DLGAP4: variants seen among roughly 807,000 people sequenced by gnomAD.
DLGAP4 encodes the protein DLG associated protein 4.
In DLGAP4, 18 loss-of-function variants were observed where a neutral mutation model predicts 86.9. The ratio of observed to expected loss-of-function variants is 0.21; its 90% CI spans 0.14 to 0.31. The LOEUF (loss-of-function observed/expected upper bound fraction) is 0.31, where lower values mean the gene tolerates loss of function less well. DLGAP4 is among the 10% of genes least tolerant of loss of function. DLGAP4 has a pLI of 1.00. For missense variants in DLGAP4, 1,085 were observed against 1,362.6 expected, an observed-to-expected ratio of 0.80 and a Z score of 3.21; for synonymous variants, 548 against 574.3, an observed-to-expected ratio of 0.95 and a Z score of 0.65.
chr20:36,440,123 G>A (rs899177502), intron 5 of DLGAP4, among the ~76,000 whole-genome samples: 4 of 152,190 alleles, frequency 2.6e-5, no homozygotes, highest in Admixed American at 1.3e-4. Context: ...CCAGCGGGGC[G>A]CCTGTCACTT....
At chr20:36,461,751 G>GTCCGGGCCCCCCCCC in intron 7 of DLGAP4, 1 of 618,850 alleles carries the variant, frequency 1.6e-6, no homozygotes, top group African/African-American at 3.1e-5. Flanking sequence ...CCGTCCGTCC[G>GTCCGGGCCCCCCCCC]CCCGCCCGCC....
chr20:36,451,327 G>A (rs2033729652), intron 7 of DLGAP4, among the ~76,000 whole-genome samples: 1 of 152,170 alleles, frequency 6.6e-6, no homozygotes, highest in Non-Finnish European at 1.5e-5. Context: ...TGACCAGATA[G>A]TAGCATCTGC....
At chr20:36,369,194 C>T (rs1001992307) in intron 2 of DLGAP4, among the ~76,000 whole-genome samples, 9 of 152,202 alleles carry the variant, frequency 5.9e-5, no homozygotes, top group South Asian at 4.1e-4. Context: ...GAGGTGTCTC[C>T]AGGGCAGAGG....
chr20:36,496,701 G>T lies in DLGAP4; in HGVS notation c.1649-4G>T, dbSNP rs2035903301. ...TCCCCTGCCCTTCTCTCATCCATCT[G>T]CAGGTTCATCATGCCTAGTGGCGTA... is the stretch of plus-strand genomic sequence containing the variant. On this transcript the variant is annotated splice_region_variant and splice_polypyrimidine_tract_variant and intron_variant, in intron 7 of 12. Coordinates refer to ENST00000339266, the MANE Select transcript of DLGAP4 (RefSeq NM_001365621.2). 1.9e-6 allele frequency: 3 copies of T among 1,596,420 alleles called. No individual in the cohort carries two copies. Among genetic ancestry groups the T allele is most frequent in the Non-Finnish European group, 2.6e-6 (3 of 1,166,024 alleles).
At chr20:36,311,741 C>A (rs1479408839) in intron 1 of DLGAP4, among the ~76,000 whole-genome samples, 3 of 152,118 alleles carry the variant, frequency 2.0e-5, no homozygotes, top group Non-Finnish European at 4.4e-5. Context: ...CACAGAGAGC[C>A]AATGCTGCAC....
intron 4 of DLGAP4, among the ~76,000 whole-genome samples, chr20:36,436,850 C>A (rs1367946281): frequency 6.6e-6 from 1 of 152,042 alleles, no homozygotes; most frequent in Non-Finnish European, 1.5e-5. Context: ...AAAAGAAAAG[C>A]CCCGCCCGCG....
intron 6 of DLGAP4, among the ~76,000 whole-genome samples, chr20:36,446,327 C>T (rs528174951): frequency 3.3e-5 from 5 of 152,228 alleles, no homozygotes; most frequent in South Asian, 4.1e-4. Context: ...AGCTACCTAC[C>T]GCCACCCCCA....
chr20:36,407,486 A>G (rs572022656), intron 2 of DLGAP4, among the ~76,000 whole-genome samples: 19 of 152,016 alleles, frequency 1.2e-4, no homozygotes, highest in African/African-American at 4.1e-4. Context: ...TCCTCAAGGG[A>G]CTCAGAGTGT....
chr20:36,455,683 G>A (rs1338130817), intron 7 of DLGAP4, among the ~76,000 whole-genome samples: 1 of 152,076 alleles, frequency 6.6e-6, no homozygotes, highest in Non-Finnish European at 1.5e-5. Context: ...CCTCCCATCT[G>A]TGACAATCCA....
At chr20:36,342,901 C>G (rs1478605860) in intron 1 of DLGAP4, among the ~76,000 whole-genome samples, 1 of 152,138 alleles carries the variant, frequency 6.6e-6, no homozygotes, top group Non-Finnish European at 1.5e-5. Flanking sequence ...AGGAGCCATG[C>G]TGGTAGGAGG....
chr20:36,378,919 G>A (rs867899356), intron 2 of DLGAP4, among the ~76,000 whole-genome samples: 103 of 152,216 alleles, frequency 6.8e-4, no homozygotes, highest in African/African-American at 2.4e-3. Flanking sequence ...CCCAAGTACC[G>A]GGCCTCGTGC....
chr20:36,494,664 C>T (rs1161063783), intron 7 of DLGAP4, among the ~76,000 whole-genome samples: 2 of 152,196 alleles, frequency 1.3e-5, no homozygotes, highest in African/African-American at 4.8e-5. Context: ...TAACCATCCC[C>T]ACACTCAATA....
At chr20:36,342,277 A>G (rs1284282842) in intron 1 of DLGAP4, among the ~76,000 whole-genome samples, 1 of 152,142 alleles carries the variant, frequency 6.6e-6, no homozygotes, top group Non-Finnish European at 1.5e-5. Context: ...TCTTCATCCC[A>G]CTGCAAGAAC....
At chr20:36,334,293 C>A (rs2065299423) in intron 1 of DLGAP4, among the ~76,000 whole-genome samples, 1 of 152,114 alleles carries the variant, frequency 6.6e-6, no homozygotes, top group Non-Finnish European at 1.5e-5. Flanking sequence ...ATTACTGAGG[C>A]TGAGCTCTGC....
At chr20:36,391,675 G>A (rs2031787686) in intron 2 of DLGAP4, among the ~76,000 whole-genome samples, 1 of 152,190 alleles carries the variant, frequency 6.6e-6, no homozygotes, top group Non-Finnish European at 1.5e-5. Flanking sequence ...CTGAGCTCCA[G>A]TCCCTTTGTC....
chr20:36,512,974 T>TG (rs1363980874), intron 10 of DLGAP4, among the ~76,000 whole-genome samples: 1 of 114,814 alleles, frequency 8.7e-6, no homozygotes, highest in Admixed American at 1.0e-4. Flanking sequence ...TTTTTTGAGA[T>TG]GGGGTCTCAC....
intron 7 of DLGAP4, among the ~76,000 whole-genome samples, chr20:36,457,761 C>T (rs543037387): frequency 2.0e-5 from 3 of 151,748 alleles, no homozygotes; most frequent in South Asian, 2.1e-4. Flanking sequence ...ATGATCCGCA[C>T]ACCTTGGCCT....
At chr20:36,483,873 A>G (rs2035296951) in intron 7 of DLGAP4, among the ~76,000 whole-genome samples, 1 of 152,178 alleles carries the variant, frequency 6.6e-6, no homozygotes, top group Non-Finnish European at 1.5e-5. Flanking sequence ...GCCACCCTCT[A>G]ACCCACTCAG....
intron 1 of DLGAP4, among the ~76,000 whole-genome samples, chr20:36,318,110 A>T (rs1203788298): frequency 0.14 from 1,133 of 8,164 alleles, 7 homozygotes; most frequent in Non-Finnish European, 0.43. Flanking sequence ...GTCCTCTCAC[A>T]CACACACACA....
Sources: gnomAD v4.1 joint callset for allele counts (sites outside exome capture counted in the v4.1 genomes callset) on GRCh38, gnomAD v4.1.1 for gene constraint, MANE v1.5 for transcripts, NCBI Gene and HGNC (gene_info 2026-07-23, HGNC 2026-07-21) for gene names.